Variants in NCOA1 observed in about 807,000 individuals in gnomAD.
The protein encoded by NCOA1 is nuclear receptor coactivator 1, also known as Hin-2 protein.
A neutral mutation model predicts 150.9 loss-of-function variants in NCOA1; 35 were observed. The observed-to-expected ratio is 0.23, with a 90% CI of 0.18 to 0.31. NCOA1 has a LOEUF of 0.31. NCOA1 is among the 10% of genes least tolerant of loss of function. NCOA1 has a pLI of 1.00. For missense variants in NCOA1, 1,491 were observed against 1,749.3 expected, an observed-to-expected ratio of 0.85 and a Z score of 2.63; for synonymous variants, 590 against 630.0, an observed-to-expected ratio of 0.94 and a Z score of 0.95.
chr2:24,516,966 G>GTGTATATATACGTA (rs1664212144), intron 1 of NCOA1, among the ~76,000 whole-genome samples: 4 of 84,504 alleles, frequency 4.7e-5, no homozygotes, highest in Admixed American at 2.8e-4. Context: ...GTATATATAC[G>GTGTATATATACGTA]TATATATACA....
chr2:24,727,138 CAAAA>C (rs755486331), intron 15 of NCOA1, among the ~76,000 whole-genome samples: 1 of 43,280 alleles, frequency 2.3e-5, no homozygotes, highest in Non-Finnish European at 4.7e-5. Context: ...AACTCTGTCT[CAAAA>C]AAAAAAAAAA....
At chr2:24,649,515 TC>T in intron 4 of NCOA1, among the ~76,000 whole-genome samples, 1 of 152,330 alleles carries the variant, frequency 6.6e-6, no homozygotes, top group East Asian at 1.9e-4. Flanking sequence ...ATTCATAGTT[TC>T]ATAAGGAAAT....
chr2:24,649,738 A>C (rs1343668018), intron 4 of NCOA1, among the ~76,000 whole-genome samples: 1 of 151,710 alleles, frequency 6.6e-6, no homozygotes, highest in Non-Finnish European at 1.5e-5. Context: ...GTATTTGTTA[A>C]TAGAAAACAA....
chr2:24,680,953 A>G (rs1322573817), intron 7 of NCOA1, among the ~76,000 whole-genome samples: 3 of 152,150 alleles, frequency 2.0e-5, no homozygotes, highest in Non-Finnish European at 4.4e-5. Context: ...TACGATAGTC[A>G]TTTTTAAATC....
chr2:24,673,508 T>C, intron 7 of NCOA1, 45 bp downstream of exon 7: 7 of 1,411,168 alleles, frequency 5.0e-6, no homozygotes, highest in Non-Finnish European at 6.8e-6. Context: ...ATCTTTGTTG[T>C]AGCCAGTTTG....
At chr2:24,767,028 G>A (rs761746326) in intron 22 of NCOA1, among the ~76,000 whole-genome samples, 2 of 152,186 alleles carry the variant, frequency 1.3e-5, no homozygotes, top group African/African-American at 2.4e-5. Flanking sequence ...CTTGGGGGCT[G>A]TCTGCCTCAT....
At chr2:24,765,816 C>T (rs1665031870) in intron 22 of NCOA1, among the ~76,000 whole-genome samples, 1 of 152,038 alleles carries the variant, frequency 6.6e-6, no homozygotes, top group South Asian at 2.1e-4. Flanking sequence ...TGGTCTGAGA[C>T]ACCCCCTTTT....
chr2:24,578,309 C>G (rs1459430979), intron 2 of NCOA1, among the ~76,000 whole-genome samples: 1 of 151,898 alleles, frequency 6.6e-6, no homozygotes, highest in Non-Finnish European at 1.5e-5. Context: ...TTATGGTTGA[C>G]CTTTTTAAAT....
chr2:24,503,719 G>A (rs972260106), intron 1 of NCOA1, among the ~76,000 whole-genome samples: 4 of 148,406 alleles, frequency 2.7e-5, no homozygotes, highest in Admixed American at 1.3e-4. Context: ...TTTTTATCAT[G>A]TATACTTGTC....
At chr2:24,584,195 A>G (rs1478312832) in intron 2 of NCOA1, among the ~76,000 whole-genome samples, 1 of 152,058 alleles carries the variant, frequency 6.6e-6, no homozygotes, top group Non-Finnish European at 1.5e-5. Flanking sequence ...AAAAGCTATT[A>G]TTTTTCAAAT....
intron 1 of NCOA1, among the ~76,000 whole-genome samples, chr2:24,562,576 T>C (rs1463869986): frequency 6.6e-6 from 1 of 152,182 alleles, no homozygotes; most frequent in African/African-American, 2.4e-5. Context: ...AAAGGCAGTG[T>C]CAATTATGGG....
intron 3 of NCOA1, among the ~76,000 whole-genome samples, chr2:24,621,432 A>ATTT (rs1162282258): frequency 0.025 from 977 of 38,880 alleles, 270 homozygotes; most frequent in African/African-American, 0.051. Context: ...ATTCAGGCAG[A>ATTT]TTTTTTTTTT....
intron 1 of NCOA1, among the ~76,000 whole-genome samples, chr2:24,514,393 A>G (rs189625745): frequency 8.2e-4 from 125 of 152,080 alleles, no homozygotes; most frequent in African/African-American, 2.3e-3. Flanking sequence ...TTCATTACCT[A>G]TATATTACTC....
At chr2:24,703,059 T>C (rs1487123320) in intron 11 of NCOA1, among the ~76,000 whole-genome samples, 1 of 152,202 alleles carries the variant, frequency 6.6e-6, no homozygotes, top group Non-Finnish European at 1.5e-5. Context: ...CTGATGTTTA[T>C]TGAGGAAATA....
chr2:24,526,662 G>A (rs946901813), intron 1 of NCOA1, among the ~76,000 whole-genome samples: 1 of 151,922 alleles, frequency 6.6e-6, no homozygotes, highest in African/African-American at 2.4e-5. Context: ...TTTATTGGCT[G>A]GGTGCAGGCT....
chr2:24,704,381 A>G (rs1383814222), intron 11 of NCOA1, among the ~76,000 whole-genome samples: 1 of 152,218 alleles, frequency 6.6e-6, no homozygotes, highest in Non-Finnish European at 1.5e-5. Context: ...AAGAGAAAAC[A>G]AACTTGTTAA....
chr2:24,651,635 AT>A (rs1463340338), intron 4 of NCOA1, among the ~76,000 whole-genome samples: 1 of 152,068 alleles, frequency 6.6e-6, no homozygotes, highest in African/African-American at 2.4e-5. Context: ...TATAATAACC[AT>A]TTTACTACAT....
At chr2:24,556,459 T>C (rs1274082195) in intron 1 of NCOA1, among the ~76,000 whole-genome samples, 1 of 152,234 alleles carries the variant, frequency 6.6e-6, no homozygotes, top group Non-Finnish European at 1.5e-5. Flanking sequence ...AACATACGCT[T>C]GCATGTTTAT....
chr2:24,553,425 G>A (rs1410849058), intron 1 of NCOA1, among the ~76,000 whole-genome samples: 5 of 152,000 alleles, frequency 3.3e-5, no homozygotes, highest in African/African-American at 1.2e-4. Context: ...CACCTTGTTG[G>A]CCAGGCTGGT....
Sources: gnomAD v4.1 joint callset for allele counts (sites outside exome capture counted in the v4.1 genomes callset) on GRCh38, gnomAD v4.1.1 for gene constraint, MANE v1.5 for transcripts, NCBI Gene and HGNC (gene_info 2026-07-23, HGNC 2026-07-21) for gene names.